The following EPHA6 variants were observed in gnomAD, a reference collection of about 807,000 sequenced individuals.
EPHA6 encodes the protein EPH receptor A6.
In EPHA6, 50 loss-of-function variants were observed where a neutral mutation model predicts 112.0. That is an observed-to-expected ratio of 0.45 (90% CI 0.36 to 0.56). The LOEUF is 0.56. EPHA6 is among the 20% of genes least tolerant of loss of function. The probability of loss-of-function intolerance (pLI) is 0.00; values close to 1 mark genes in which losing one functional copy is unlikely to be tolerated. For missense variants in EPHA6, 1,280 were observed against 1,417.4 expected (o/e 0.90, Z 1.56); for synonymous variants, 529 against 490.7 (o/e 1.08, Z -1.03).
intron 10 of EPHA6, among the ~76,000 whole-genome samples, chr3:97,496,296 C>G (rs538218328): frequency 1.3e-5 from 2 of 152,248 alleles, no homozygotes; most frequent in East Asian, 3.9e-4. Flanking sequence ...AAAAGTCTGT[C>G]TTTACCATTA....
intron 6 of EPHA6, among the ~76,000 whole-genome samples, chr3:97,443,393 G>A (rs1033646766): frequency 4.8e-5 from 7 of 144,822 alleles, no homozygotes; most frequent in Non-Finnish European, 1.0e-4. Context: ...TTGGATAGTA[G>A]AGTACTACAT....
rs575267583 is a variant in EPHA6, at chr3:97,181,585, A to G, written c.1115-44679A>G. 1.1e-3 allele frequency among the ~76,000 whole-genome samples: 160 copies of G among 150,838 alleles called. 1 individual carries two copies. Among genetic ancestry groups the G allele is most frequent in the Non-Finnish European group, 1.3e-3 (91 of 67,830 alleles). On this transcript the variant is annotated intron_variant, in intron 3 of 17. Coordinates refer to ENST00000389672, the MANE Select transcript of EPHA6 (RefSeq NM_001080448.3). ...TCAAATAGCAGAAGTGTATATATAT[A>G]TGTGTGTGTGTGTATATATGTGTGT...
chr3:97,710,063 T>C (rs1368003894), intron 14 of EPHA6, among the ~76,000 whole-genome samples: 1 of 152,212 alleles, frequency 6.6e-6, no homozygotes, highest in East Asian at 1.9e-4. Flanking sequence ...ACCTTTAAAA[T>C]AGATTTATTT....
intron 6 of EPHA6, among the ~76,000 whole-genome samples, chr3:97,412,502 C>G (rs1384857138): frequency 6.6e-6 from 1 of 151,886 alleles, no homozygotes; most frequent in Admixed American, 6.6e-5. Context: ...AGTTGTTATC[C>G]AATTCTGAAC....
chr3:96,822,876 A>G (rs2107228252), intron 1 of EPHA6, among the ~76,000 whole-genome samples: 1 of 151,550 alleles, frequency 6.6e-6, no homozygotes, highest in East Asian at 1.9e-4. Flanking sequence ...TAGGAAAAGC[A>G]CTAACTTTTA....
At chr3:97,597,439 GAAT>G (rs544107458) in intron 12 of EPHA6, among the ~76,000 whole-genome samples, 26 of 152,136 alleles carry the variant, frequency 1.7e-4, no homozygotes, top group Non-Finnish European at 3.7e-4. Context: ...ATATAATTAA[GAAT>G]AATGTTTAAT....
chr3:97,053,092 G>A (rs1363257786), intron 3 of EPHA6, among the ~76,000 whole-genome samples: 2 of 152,098 alleles, frequency 1.3e-5, no homozygotes, highest in African/African-American at 4.8e-5. Context: ...GATTAATTAA[G>A]CGACTTATAT....
Position 97,637,957 on chromosome 3 carries a change from G to A in EPHA6, c.2659G>A (p.Gly887Ser). The A allele has an allele frequency of 1.2e-6, 2 of 1,613,846 alleles. No individual in the cohort carries two copies. Among genetic ancestry groups the A allele is most frequent in the South Asian group, 1.1e-5 (1 of 91,080 alleles). Residue 887 changes from glycine to serine, a missense_variant, in exon 14 of 18, where the codon GGT becomes AGT. Transcript: ENST00000389672. ...AGGCATGAAGTATCTTTCTGATATG[G>A]GTTATGTTCATCGAGACCTAGCGGC... is the stretch of plus-strand genomic sequence containing the variant. ...ASGMKYLSDMGYVHRDLAARN... is the reference protein window; with the variant it reads ...ASGMKYLSDMSYVHRDLAARN...
chr3:96,994,222 G>T, intron 3 of EPHA6: 1 of 406,698 alleles, frequency 2.5e-6, no homozygotes, highest in South Asian at 2.4e-5. Flanking sequence ...AATAATTTGG[G>T]TTGCTTTATT....
chr3:97,592,511 A>C, intron 11 of EPHA6, 101 bp from the exon 12 acceptor site: 1 of 1,385,554 alleles, frequency 7.2e-7, no homozygotes, highest in Non-Finnish European at 1.0e-6. Flanking sequence ...TTCTTCGTAA[A>C]ATTTGATGTC....
At chr3:97,045,134 C>T (rs975960298) in intron 3 of EPHA6, among the ~76,000 whole-genome samples, 3 of 151,582 alleles carry the variant, frequency 2.0e-5, no homozygotes, top group Admixed American at 6.6e-5. Context: ...TAAACTGTGC[C>T]GTTTTTAAGA....
chr3:97,448,671 G>C lies in EPHA6; in HGVS notation c.1835G>C (p.Arg612Thr). The change falls in exon 7 of 18, where the codon AGA (arginine) becomes ACA (threonine). Residue 612 changes from arginine (R) to threonine (T), a missense_variant. Coordinates refer to ENST00000389672, the MANE Select transcript of EPHA6 (RefSeq NM_001080448.3). ...ATKYVFHIRV[R>T]TATGYSGYSQ... Reference sequence around the variant, plus strand: ...AAATATGTATTTCACATCCGAGTGAGAACTGCGACAGGATACAGTGGCTAC... The same window carrying C: ...AAATATGTATTTCACATCCGAGTGACAACTGCGACAGGATACAGTGGCTAC... The C allele has an allele frequency of 6.2e-7, 1 of 1,613,554 alleles. No individual in the cohort carries two copies. The highest frequency in any genetic ancestry group is 8.5e-7 in the Non-Finnish European group (1 of 1,179,604).
At chr3:96,930,313 T>C (rs1414783614) in intron 2 of EPHA6, among the ~76,000 whole-genome samples, 1 of 152,228 alleles carries the variant, frequency 6.6e-6, no homozygotes, top group African/African-American at 2.4e-5. Flanking sequence ...TTTTGAGTTT[T>C]ACTATTTTTG....
intron 3 of EPHA6, among the ~76,000 whole-genome samples, chr3:97,192,610 T>G (rs1039113265): frequency 6.6e-6 from 1 of 152,170 alleles, no homozygotes; most frequent in African/African-American, 2.4e-5. Context: ...TCCTTTACTG[T>G]GCAGAAGCTT....
intron 3 of EPHA6, among the ~76,000 whole-genome samples, chr3:97,021,996 G>C (rs2044478014): frequency 6.6e-6 from 1 of 152,090 alleles, no homozygotes; most frequent in Non-Finnish European, 1.5e-5. Context: ...GTCTGACCCT[G>C]TTCACTCATC....
chr3:97,617,315 C>CA (rs2093775098), intron 13 of EPHA6, among the ~76,000 whole-genome samples: 1 of 151,974 alleles, frequency 6.6e-6, no homozygotes, highest in African/African-American at 2.4e-5. Flanking sequence ...CCAGCCACAA[C>CA]AAAAAACACA....
At chr3:97,566,318 C>G (rs1284030390) in intron 11 of EPHA6, among the ~76,000 whole-genome samples, 3 of 152,130 alleles carry the variant, frequency 2.0e-5, no homozygotes, top group Admixed American at 6.5e-5. Flanking sequence ...CCATCAGGCC[C>G]CACCTCCAAC....
intron 3 of EPHA6, among the ~76,000 whole-genome samples, chr3:97,129,940 C>T (rs371024175): frequency 1.3e-5 from 2 of 152,150 alleles, no homozygotes; most frequent in African/African-American, 4.8e-5. Context: ...ACTGATACAG[C>T]ATTCTTGCTA....
At chr3:97,208,242 CTTCAA>C (rs1160211409) in intron 3 of EPHA6, among the ~76,000 whole-genome samples, 1 of 152,086 alleles carries the variant, frequency 6.6e-6, no homozygotes, top group Admixed American at 6.5e-5. Context: ...TTCCAGTTTT[CTTCAA>C]TTCAATATTT....
Sources: allele counts gnomAD v4.1 joint callset (sites outside exome capture counted in the v4.1 genomes callset), GRCh38; gene constraint gnomAD v4.1.1; transcripts MANE v1.5; gene names NCBI Gene and HGNC (gene_info 2026-07-23, HGNC 2026-07-21).